TMEM132B: variants seen among roughly 807,000 people sequenced by gnomAD.
TMEM132B encodes the protein transmembrane protein 132B.
A neutral mutation model predicts 90.8 loss-of-function variants in TMEM132B; 18 were observed. The observed-to-expected ratio is 0.20, with a 90% confidence interval of 0.14 to 0.29. The LOEUF is 0.29. TMEM132B is among the 10% of genes least tolerant of loss of function. The probability of loss-of-function intolerance (pLI) is 1.00; values close to 1 mark genes in which losing one functional copy is unlikely to be tolerated. For synonymous variants in TMEM132B, 504 were observed against 523.3 expected (o/e 0.96, Z 0.50); for missense variants, 1,096 against 1,326.8 (o/e 0.83, Z 2.70).
At chr12:125,393,602 T>C (rs1011912633) in intron 2 of TMEM132B, among the ~76,000 whole-genome samples, 1 of 152,094 alleles carries the variant, frequency 6.6e-6, no homozygotes, top group African/African-American at 2.4e-5. Context: ...AAACGGTATA[T>C]GCGAACACCC....
At chr12:125,463,618 G>T (rs538369349) in intron 3 of TMEM132B, among the ~76,000 whole-genome samples, 14 of 152,268 alleles carry the variant, frequency 9.2e-5, no homozygotes, top group African/African-American at 3.1e-4. Flanking sequence ...TGGAATCTCA[G>T]CTCTCCCTGG....
At chr12:125,303,086 A>C (rs1261729467) in intron 1 of TMEM132B, among the ~76,000 whole-genome samples, 2 of 151,734 alleles carry the variant, frequency 1.3e-5, no homozygotes, top group Non-Finnish European at 2.9e-5. Flanking sequence ...ACAGAGCGAG[A>C]CTCTGCATAT....
intron 5 of TMEM132B, among the ~76,000 whole-genome samples, chr12:125,633,084 AG>A (rs1277664241): frequency 6.6e-6 from 1 of 152,030 alleles, no homozygotes; most frequent in Non-Finnish European, 1.5e-5. Context: ...TAGATTTTGT[AG>A]GTGTGCTTGC....
chr12:125,609,573 T>C (rs772755324), intron 5 of TMEM132B, among the ~76,000 whole-genome samples: 4 of 151,848 alleles, frequency 2.6e-5, no homozygotes, highest in Non-Finnish European at 4.4e-5. Context: ...CCCAGCACTT[T>C]GGGAGGCTGA....
chr12:125,354,229 T>C (rs923663001), intron 2 of TMEM132B, among the ~76,000 whole-genome samples: 4 of 152,222 alleles, frequency 2.6e-5, no homozygotes, highest in Non-Finnish European at 5.9e-5. Flanking sequence ...AGGAAAAACA[T>C]CTACTCAACA....
At chr12:125,217,275 C>G (rs1873458711) in intron 1 of TMEM132B, among the ~76,000 whole-genome samples, 1 of 152,136 alleles carries the variant, frequency 6.6e-6, no homozygotes, top group Non-Finnish European at 1.5e-5. Flanking sequence ...GAAGAGAGGC[C>G]AGGCTGGGGG....
chr12:125,392,391 G>A (rs979650549), intron 2 of TMEM132B, among the ~76,000 whole-genome samples: 5 of 152,142 alleles, frequency 3.3e-5, no homozygotes, highest in South Asian at 2.1e-4. Context: ...ACATTCACTC[G>A]CTTAATGCTC....
At chr12:125,441,639 T>C (rs1232343890) in intron 3 of TMEM132B, among the ~76,000 whole-genome samples, 1 of 152,210 alleles carries the variant, frequency 6.6e-6, no homozygotes, top group East Asian at 1.9e-4. Context: ...AGTAGCCCAA[T>C]GTGTTACAGA....
At chr12:125,552,247 T>A (rs1371873521) in intron 4 of TMEM132B, among the ~76,000 whole-genome samples, 2 of 152,252 alleles carry the variant, frequency 1.3e-5, no homozygotes, top group Admixed American at 1.3e-4. Flanking sequence ...TAGCTTGTGC[T>A]TCCCACAGGA....
At chr12:125,438,939 A>G (rs1172977774) in intron 3 of TMEM132B, among the ~76,000 whole-genome samples, 2 of 152,232 alleles carry the variant, frequency 1.3e-5, no homozygotes, top group Admixed American at 1.3e-4. Flanking sequence ...CATGATACAG[A>G]CATTCCATAA....
In TMEM132B at chr12:125,657,564, G is replaced by T. The variant is rs149344405; in HGVS notation, c.*2854G>T. On this transcript the variant is annotated 3_prime_UTR_variant, in exon 9 of 9. Transcript: ENST00000682704. ...CAGCTAGTCAATATACAACTATTAG[G>T]TGCTGTGCCCCAAAATATCTAAAAT... is the stretch of plus-strand genomic sequence containing the variant. 1 of 152,012 alleles carries T rather than the reference G, an allele frequency of 6.6e-6. No individual in the cohort carries two copies. The highest frequency in any genetic ancestry group is 2.4e-5 in the African/African-American group (1 of 41,358). The allele number at this position is 152,012 out of a possible 1,614,324, so 9.4% of individuals were successfully genotyped here.
chr12:125,640,689 C>T (rs1056506607), intron 5 of TMEM132B, among the ~76,000 whole-genome samples: 21 of 127,604 alleles, frequency 1.6e-4, no homozygotes, highest in East Asian at 1.5e-3. Flanking sequence ...GGCTCACACA[C>T]GCAAAATGCT....
chr12:125,340,451 T>A (rs1877144596), intron 1 of TMEM132B, among the ~76,000 whole-genome samples: 1 of 152,040 alleles, frequency 6.6e-6, no homozygotes, highest in Non-Finnish European at 1.5e-5. Flanking sequence ...TACATACCCA[T>A]GCACAGAAAG....
chr12:125,432,278 T>A (rs2136402985), intron 3 of TMEM132B, among the ~76,000 whole-genome samples: 1 of 149,530 alleles, frequency 6.7e-6, no homozygotes, highest in African/African-American at 2.5e-5. Context: ...ACATAACCAC[T>A]GTAATCACAC....
At chr12:125,523,390 T>C (rs1482587100) in intron 4 of TMEM132B, among the ~76,000 whole-genome samples, 1 of 152,088 alleles carries the variant, frequency 6.6e-6, no homozygotes, top group Admixed American at 6.5e-5. Flanking sequence ...CATCTCTGCT[T>C]CCATCATTGT....
At chr12:125,578,275 G>A (rs2136852256) in intron 4 of TMEM132B, among the ~76,000 whole-genome samples, 1 of 152,076 alleles carries the variant, frequency 6.6e-6, no homozygotes, top group African/African-American at 2.4e-5. Flanking sequence ...CATGTATTTT[G>A]GGGATTTGTT....
At chr12:125,270,231 C>T (rs375848118) in intron 1 of TMEM132B, among the ~76,000 whole-genome samples, 4 of 151,894 alleles carry the variant, frequency 2.6e-5, no homozygotes, top group African/African-American at 4.8e-5. Flanking sequence ...CGAACTCCTA[C>T]GCTCAAGCCA....
intron 1 of TMEM132B, among the ~76,000 whole-genome samples, chr12:125,285,314 A>C (rs1175602819): frequency 1.3e-5 from 2 of 152,202 alleles, no homozygotes; most frequent in Non-Finnish European, 2.9e-5. Context: ...CCTGGCTAGC[A>C]CTAATGTTAG....
chr12:125,412,628 C>T (rs1252562486), intron 2 of TMEM132B, among the ~76,000 whole-genome samples: 1 of 152,088 alleles, frequency 6.6e-6, no homozygotes, highest in Non-Finnish European at 1.5e-5. Context: ...CAGGCCTGGC[C>T]ACACGGCTGC....
Sources: gnomAD v4.1 joint callset for allele counts (sites outside exome capture counted in the v4.1 genomes callset) on GRCh38, gnomAD v4.1.1 for gene constraint, MANE v1.5 for transcripts, NCBI Gene and HGNC (gene_info 2026-07-23, HGNC 2026-07-21) for gene names.